The following KMO variants were observed in gnomAD, a reference collection of about 807,000 sequenced individuals.
The protein encoded by KMO is kynurenine 3-monooxygenase, also known as kynurenine 3-hydroxylase.
In KMO, 24 loss-of-function variants were observed where a neutral mutation model predicts 57.8. The observed-to-expected ratio is 0.42, with a 90% CI of 0.30 to 0.58. KMO has a LOEUF of 0.58. KMO is among the 20% of genes least tolerant of loss of function. The pLI, the probability that KMO is intolerant of heterozygous loss-of-function variation, is 0.22. For synonymous variants in KMO, 210 were observed against 193.6 expected (o/e 1.08, Z -0.70); for missense variants, 483 against 588.2 (o/e 0.82, Z 1.85).
At chr1:241,535,400 T>G (rs983740353) in intron 1 of KMO, among the ~76,000 whole-genome samples, 6 of 151,990 alleles carry the variant, frequency 3.9e-5, no homozygotes, top group Admixed American at 3.9e-4. Flanking sequence ...CCAAAAAATA[T>G]AGTGAACTTC....
At chr1:241,577,257 A>G (rs905316033) in intron 10 of KMO, among the ~76,000 whole-genome samples, 8 of 151,972 alleles carry the variant, frequency 5.3e-5, no homozygotes, top group African/African-American at 1.9e-4. Context: ...CTTGGTATGG[A>G]TCCATTGCTG....
At position 241,588,834 on chromosome 1, in the gene KMO, A is replaced by G; in HGVS notation, c.1098+4A>G. 6.2e-7 allele frequency: 1 copy of G among 1,604,638 alleles called. No homozygotes were observed. Among genetic ancestry groups the G allele is most frequent in the Non-Finnish European group, 8.5e-7 (1 of 1,171,860 alleles). On this transcript the variant is annotated splice_donor_region_variant and intron_variant, in intron 12 of 14. Transcript: ENST00000366559. ...ATCCATGTACAATTACATAGAGGTG[A>G]GTGAGAAGGTTTGGCTTTATTCCAT...
chr1:241,570,245 A>G (rs1399371433), intron 10 of KMO, among the ~76,000 whole-genome samples: 2 of 151,554 alleles, frequency 1.3e-5, no homozygotes, highest in Non-Finnish European at 2.9e-5. Flanking sequence ...ATATGATCCC[A>G]TTTGTCCTAT....
At chr1:241,567,927 A>T (rs1209804528) in intron 9 of KMO, among the ~76,000 whole-genome samples, 1 of 152,138 alleles carries the variant, frequency 6.6e-6, no homozygotes, top group Admixed American at 6.5e-5. Flanking sequence ...ATGCTTTACA[A>T]ATATTAGGGT....
At position 241,592,235 on chromosome 1, in the gene KMO, T is replaced by A; in HGVS notation, c.*82T>A. 1.0e-6 allele frequency: 1 copy of A among 974,662 alleles called. No individual in the cohort carries two copies. Among genetic ancestry groups the A allele is most frequent in the Non-Finnish European group, 1.6e-6 (1 of 634,594 alleles). The allele number at this position is 974,662 out of a possible 1,614,324, so 60.4% of individuals were successfully genotyped here. On this transcript the variant is annotated 3_prime_UTR_variant, in exon 15 of 15. Coordinates refer to ENST00000366559, the MANE Select transcript of KMO (RefSeq NM_003679.5). ...AAAAAAATGTTTCCATTGCCATATT[T>A]GATTCACTAGTGGAAGATAGTGTTC... is the stretch of plus-strand genomic sequence containing the variant.
At chr1:241,563,753 A>G (rs772264378) in intron 7 of KMO, among the ~76,000 whole-genome samples, 1 of 152,238 alleles carries the variant, frequency 6.6e-6, no homozygotes, top group Non-Finnish European at 1.5e-5. Flanking sequence ...TTTTAAGAAC[A>G]TTGTTTAGGC....
intron 10 of KMO, among the ~76,000 whole-genome samples, chr1:241,574,262 C>T (rs910764089): frequency 2.0e-5 from 3 of 152,010 alleles, no homozygotes; most frequent in African/African-American, 7.2e-5. Flanking sequence ...TCCTTCATTT[C>T]CTTCTCCTGC....
intron 9 of KMO, among the ~76,000 whole-genome samples, chr1:241,567,290 T>C (rs1207049142): frequency 6.6e-6 from 1 of 152,168 alleles, no homozygotes; most frequent in African/African-American, 2.4e-5. Flanking sequence ...GGCTGAGAAG[T>C]GTAAGATCAA....
At position 241,586,713 on chromosome 1, in the gene KMO, T is replaced by G; in HGVS notation, c.992T>G (p.Met331Arg). 6.2e-7 allele frequency: 1 copy of G among 1,606,314 alleles called. No homozygotes were observed. The highest frequency in any genetic ancestry group is 8.5e-7 in the Non-Finnish European group (1 of 1,177,066). The change falls in exon 11 of 15, where the codon ATG (methionine) becomes AGG (arginine). Residue 331 changes from methionine to arginine, a missense_variant. Physicochemically the swap from Met to Arg is moderately conservative, Grantham distance 91. This residue lies in a region of KMO where 410 missense variants were observed against 492.3 expected (regional missense o/e 0.83). Coordinates refer to ENST00000366559, the MANE Select transcript of KMO (RefSeq NM_003679.5). ...FEDCLVFDEL[M>R]DKFSNDLSLC... ...GACTGCTTGGTATTTGATGAGTTAA[T>G]GGATAAATTCAGTAACGACCTTAGT...
At chr1:241,565,630 G>C (rs1263551198) in intron 8 of KMO, among the ~76,000 whole-genome samples, 1 of 151,560 alleles carries the variant, frequency 6.6e-6, no homozygotes, top group Non-Finnish European at 1.5e-5. Context: ...AGGCTGAGGT[G>C]GGAGGATTGC....
At chr1:241,580,291 A>C (rs975754121) in intron 10 of KMO, among the ~76,000 whole-genome samples, 3 of 152,134 alleles carry the variant, frequency 2.0e-5, no homozygotes, top group Admixed American at 2.0e-4. Flanking sequence ...ATATCTCTAC[A>C]CCACATTTTA....
In KMO at chr1:241,592,384, T is replaced by G. The variant is rs1286135168; in HGVS notation, c.*231T>G. On this transcript the variant is annotated 3_prime_UTR_variant, in exon 15 of 15. Coordinates refer to ENST00000366559, the MANE Select transcript of KMO (RefSeq NM_003679.5). ...ATTACACACACTCAGGTTGAGTCATTCTAACTATAAAAGTGCAATGACTAA... is the reference window on the plus strand; with the variant it reads ...ATTACACACACTCAGGTTGAGTCATGCTAACTATAAAAGTGCAATGACTAA... 131 of 526,744 alleles carry G rather than the reference T, an allele frequency of 2.5e-4. 1 individual carries two copies. The East Asian group carries it at 4.3e-3, about 17-fold the overall frequency. 32.6% of individuals were successfully genotyped at this position (526,744 alleles called of 1,614,324 possible).
rs549572936 is a variant in KMO at position 241,532,672 on chromosome 1, A to ATAGTATGAGTTTTAATC, written c.54+176_54+192dup. On this transcript the variant is annotated intron_variant, in intron 1 of 14. Coordinates refer to ENST00000366559, the MANE Select transcript of KMO (RefSeq NM_003679.5). ...ATATTTTTATTTTCATAGATTTAAT[A>ATAGTATGAGTTTTAATC]TAGTATGAGTTTTAATCTGTTCTTT... 1.7e-3 allele frequency among the ~76,000 whole-genome samples: 256 copies of ATAGTATGAGTTTTAATC among 152,228 alleles called. 1 individual carries two copies. Among genetic ancestry groups the ATAGTATGAGTTTTAATC allele is most frequent in the Middle Eastern group, 6.8e-3 (2 of 294 alleles).
chr1:241,586,659 CT>C lies in KMO; in HGVS notation c.958-11del, dbSNP rs200246292. The C allele has an allele frequency of 8.8e-5, 131 of 1,485,284 alleles. 1 individual carries two copies. Among genetic ancestry groups the C allele is most frequent in the Middle Eastern group, 3.6e-4 (2 of 5,628 alleles). 92.0% of individuals were successfully genotyped at this position (1,485,284 alleles called of 1,614,324 possible). On this transcript the variant is annotated intron_variant, in intron 10 of 14. Transcript: ENST00000366559. ...TTATTATTTCTAGTTTCTTATTTCT[CT>C]TTTTTTTTCTTGTTTCAGGGCTTTG...
intron 1 of KMO, among the ~76,000 whole-genome samples, chr1:241,535,242 A>G (rs1234619537): frequency 6.6e-6 from 1 of 151,958 alleles, no homozygotes; most frequent in Non-Finnish European, 1.5e-5. Flanking sequence ...ATTTTTGCCC[A>G]TCTTCTTCTG....
intron 10 of KMO, among the ~76,000 whole-genome samples, chr1:241,571,331 T>C (rs1053191702): frequency 6.6e-6 from 1 of 152,148 alleles, no homozygotes; most frequent in African/African-American, 2.4e-5. Context: ...ATAAAAATGG[T>C]GAAAATGGTT....
chr1:241,558,502 G>T (rs1031643594), intron 5 of KMO, among the ~76,000 whole-genome samples: 5 of 152,018 alleles, frequency 3.3e-5, no homozygotes, highest in African/African-American at 1.2e-4. Flanking sequence ...ATTTCCCTAC[G>T]TCGGCATTTC....
chr1:241,545,198 G>T (rs937047453), intron 1 of KMO, among the ~76,000 whole-genome samples: 1 of 152,172 alleles, frequency 6.6e-6, no homozygotes, highest in African/African-American at 2.4e-5. Context: ...AATGGTAGAT[G>T]CTAGGAATAA....
chr1:241,548,840 A>G lies in KMO; in HGVS notation c.66A>G (p.Leu22=). The part of the protein sequence containing the change: ...AVIGGGLVGS[L]QACFLAKRNF... ...TTTTTAATTTCTAGGTTGGCTCATT[A>G]CAAGCATGCTTTCTTGCAAAGAGGA... Residue 22 remains leucine, a synonymous_variant, in exon 2 of 15, where the codon TTA becomes TTG. Coordinates refer to ENST00000366559, the MANE Select transcript of KMO (RefSeq NM_003679.5). The G allele has an allele frequency of 6.3e-7, 1 of 1,592,876 alleles. No individual in the cohort carries two copies. Among genetic ancestry groups the G allele is most frequent in the Non-Finnish European group, 8.6e-7 (1 of 1,161,464 alleles).
Sources: allele counts gnomAD v4.1 joint callset (sites outside exome capture counted in the v4.1 genomes callset), GRCh38; gene constraint gnomAD v4.1.1; regional missense constraint gnomAD v4.1.1; transcripts MANE v1.5; gene names NCBI Gene and HGNC (gene_info 2026-07-23, HGNC 2026-07-21).